Variants in STPG2 observed in about 807,000 individuals in gnomAD.
The protein encoded by STPG2 is sperm-tail PG-rich repeat-containing protein 2.
A neutral mutation model predicts 54.2 loss-of-function variants in STPG2; 56 were observed. The ratio of observed to expected loss-of-function variants is 1.03; its 90% CI spans 0.83 to 1.29. The LOEUF (loss-of-function observed/expected upper bound fraction) is 1.29. Among genes scored for constraint, STPG2 ranks in the 50% most tolerant of loss-of-function variants. The pLI is 0.00. For missense variants in STPG2, 596 were observed against 544.9 expected, an observed-to-expected ratio of 1.09 and a Z score of -0.93; for synonymous variants, 200 against 181.8, an observed-to-expected ratio of 1.10 and a Z score of -0.81.
chr4:97,502,518 T>C (rs1447733814), intron 4 of STPG2, among the ~76,000 whole-genome samples: 1 of 151,762 alleles, frequency 6.6e-6, no homozygotes, highest in African/African-American at 2.4e-5. Context: ...CTTAAAAGAG[T>C]ATGCATGGGT....
chr4:97,677,777 A>G (rs1722894997), intron 10 of STPG2, among the ~76,000 whole-genome samples: 1 of 152,170 alleles, frequency 6.6e-6, no homozygotes, highest in Non-Finnish European at 1.5e-5. Context: ...GCTGAAGCCC[A>G]TGATGCTGGT....
intron 9 of STPG2, among the ~76,000 whole-genome samples, chr4:97,810,508 GA>G (rs1467893860): frequency 1.3e-5 from 2 of 151,468 alleles, no homozygotes; most frequent in Non-Finnish European, 1.5e-5. Context: ...TAAAAATTGG[GA>G]AAAAATTATC....
chr4:97,840,875 T>C lies in STPG2; in HGVS notation c.1102A>G (p.Lys368Glu), dbSNP rs1300014899. 10 of 1,612,122 alleles carry C rather than the reference T, an allele frequency of 6.2e-6. No individual in the cohort carries two copies. Among genetic ancestry groups the C allele is most frequent in the Non-Finnish European group, 8.5e-6 (10 of 1,178,668 alleles). The change falls in exon 9 of 11, where the codon AAG becomes GAG. Residue 368 changes from lysine (K) to glutamate (E), a missense_variant. Physicochemically the swap from Lys to Glu is moderately conservative, Grantham distance 56. Transcript: ENST00000295268. The part of the protein sequence containing the change: ...VHKSYEMSQV[K>E]HKYMPPRSLV... ...CTACGAGGTGGCATATATTTATGCT[T>C]AACTTGGGACATCTCATATGATTTG...
intron 10 of STPG2, among the ~76,000 whole-genome samples, chr4:97,613,992 G>A (rs1733796958): frequency 6.6e-6 from 1 of 151,898 alleles, no homozygotes; most frequent in Admixed American, 6.6e-5. Context: ...ATGGCTTATT[G>A]TTCATTATGG....
intron 9 of STPG2, among the ~76,000 whole-genome samples, chr4:97,828,075 T>G (rs1728320986): frequency 6.6e-6 from 1 of 152,210 alleles, no homozygotes; most frequent in Admixed American, 6.5e-5. Context: ...CTCTATAAAA[T>G]AATCATTCTT....
At chr4:97,543,924 T>A (rs989975128) in intron 4 of STPG2, among the ~76,000 whole-genome samples, 5 of 152,052 alleles carry the variant, frequency 3.3e-5, no homozygotes, top group African/African-American at 1.2e-4. Flanking sequence ...TCTTGACACA[T>A]GTAATCTACT....
intron 10 of STPG2, among the ~76,000 whole-genome samples, chr4:97,696,102 C>G (rs1840687): frequency 0.018 from 2,704 of 152,172 alleles, 78 homozygotes; most frequent in African/African-American, 0.062. Flanking sequence ...ATTACATTAC[C>G]CAACTTCAAA....
intron 4 of STPG2, among the ~76,000 whole-genome samples, chr4:97,493,068 A>G (rs1049972270): frequency 8.0e-5 from 12 of 150,858 alleles, no homozygotes; most frequent in African/African-American, 2.9e-4. Flanking sequence ...AGTTCTCAGT[A>G]GTACTGACTC....
At position 97,729,063 on chromosome 4, in the gene STPG2, T is replaced by TTCTCTCTCTCTCTCTCTCTCTC. The variant is rs57186071; in HGVS notation, c.1205-16271_1205-16250dup. ...CCACTGATGACAAGGCCCCAAGAAT[T>TTCTCTCTCTCTCTCTCTCTCTC]TCTCTCTCTCTCTCTCTCTCTCTCT... On this transcript the variant is annotated intron_variant, in intron 9 of 10. Coordinates refer to ENST00000295268, the MANE Select transcript of STPG2 (RefSeq NM_174952.3). Among the ~76,000 whole-genome samples the TTCTCTCTCTCTCTCTCTCTCTC allele has an allele frequency of 8.7e-3, 1,089 of 124,798 alleles. 54 individuals carry two copies. Among genetic ancestry groups the TTCTCTCTCTCTCTCTCTCTCTC allele is most frequent in the Admixed American group, 0.017 (192 of 10,994 alleles). 81.9% of individuals were successfully genotyped at this position (124,798 alleles called of 152,430 possible).
At chr4:97,831,712 C>G (rs1203952740) in intron 9 of STPG2, among the ~76,000 whole-genome samples, 5 of 152,264 alleles carry the variant, frequency 3.3e-5, no homozygotes, top group Admixed American at 3.3e-4. Flanking sequence ...CACAAAAATA[C>G]AAACTACCAT....
intron 8 of STPG2, among the ~76,000 whole-genome samples, chr4:97,842,100 A>T (rs576951795): frequency 6.6e-6 from 1 of 151,914 alleles, no homozygotes; most frequent in South Asian, 2.1e-4. Flanking sequence ...CTTGTTCCTT[A>T]CATCCATATT....
chr4:97,736,994 G>A (rs1368653459), intron 9 of STPG2, among the ~76,000 whole-genome samples: 1 of 152,098 alleles, frequency 6.6e-6, no homozygotes. Context: ...ACACGGCCGG[G>A]TACTCCTCTG....
chr4:97,574,950 T>C (rs1732687289), intron 10 of STPG2, among the ~76,000 whole-genome samples: 1 of 151,128 alleles, frequency 6.6e-6, no homozygotes, highest in South Asian at 2.1e-4. Flanking sequence ...ATGACTAAGG[T>C]GAAATTACAA....
chr4:98,015,625 C>A (rs887870694), intron 5 of STPG2, among the ~76,000 whole-genome samples: 7 of 152,054 alleles, frequency 4.6e-5, no homozygotes, highest in African/African-American at 1.4e-4. Context: ...TAAATTAGTT[C>A]AACCATTGTG....
At chr4:97,747,491 C>A (rs1199507515) in intron 9 of STPG2, among the ~76,000 whole-genome samples, 1 of 151,318 alleles carries the variant, frequency 6.6e-6, no homozygotes, top group East Asian at 1.9e-4. Flanking sequence ...GTGTGCCTTC[C>A]TTTACATCCT....
intron 8 of STPG2, among the ~76,000 whole-genome samples, chr4:97,879,420 G>T (rs1263340346): frequency 6.6e-6 from 1 of 152,146 alleles, no homozygotes; most frequent in East Asian, 1.9e-4. Context: ...GTTCCACATG[G>T]CTGGGGGAGG....
chr4:97,871,921 C>T (rs1221795181), intron 8 of STPG2, among the ~76,000 whole-genome samples: 1 of 150,814 alleles, frequency 6.6e-6, no homozygotes, highest in Non-Finnish European at 1.5e-5. Context: ...GAATTCAATA[C>T]AACATTAAGA....
intron 9 of STPG2, among the ~76,000 whole-genome samples, chr4:97,764,649 G>C (rs947218502): frequency 1.3e-5 from 2 of 152,076 alleles, no homozygotes; most frequent in African/African-American, 4.8e-5. Flanking sequence ...TACAAGAAGA[G>C]GGTGGAGTAA....
intron 7 of STPG2, among the ~76,000 whole-genome samples, chr4:97,956,154 G>A (rs1733663926): frequency 6.6e-6 from 1 of 151,960 alleles, no homozygotes; most frequent in South Asian, 2.1e-4. Flanking sequence ...CAAAATACAA[G>A]ATAACAAAAT....
Sources: allele counts gnomAD v4.1 joint callset (sites outside exome capture counted in the v4.1 genomes callset), GRCh38; gene constraint gnomAD v4.1.1; transcripts MANE v1.5; gene names NCBI Gene and HGNC (gene_info 2026-07-23, HGNC 2026-07-21).